Variants in LRP1B observed in about 807,000 individuals in gnomAD.
The protein encoded by LRP1B is LDL receptor related protein 1B.
In LRP1B, 217 loss-of-function variants were observed where a neutral mutation model predicts 556.6. The ratio of observed to expected loss-of-function variants is 0.39; its 90% confidence interval spans 0.35 to 0.44. LRP1B has a LOEUF of 0.44. Ranked by LOEUF, LRP1B falls within the 20% of genes least tolerant of loss-of-function variation. The pLI is 1.00. For synonymous variants in LRP1B, 2,047 were observed against 1,865.8 expected (o/e 1.10, Z -2.50); for missense variants, 5,053 against 5,620.8 (o/e 0.90, Z 3.23).
At chr2:140,729,048 T>C (rs1559081232) in intron 35 of LRP1B, among the ~76,000 whole-genome samples, 2 of 152,010 alleles carry the variant, frequency 1.3e-5, no homozygotes, top group South Asian at 4.1e-4. Context: ...AGTTTTAATT[T>C]GGTTTAACAT....
At chr2:141,811,299 T>C (rs983216943) in intron 1 of LRP1B, among the ~76,000 whole-genome samples, 4 of 152,144 alleles carry the variant, frequency 2.6e-5, no homozygotes, top group African/African-American at 9.6e-5. Context: ...TTTTGTTGTA[T>C]GTATATAAAA....
At chr2:141,654,242 G>T (rs1402890035) in intron 2 of LRP1B, among the ~76,000 whole-genome samples, 1 of 152,168 alleles carries the variant, frequency 6.6e-6, no homozygotes, top group African/African-American at 2.4e-5. Flanking sequence ...TTCTCAAACT[G>T]ATTATGTATT....
intron 2 of LRP1B, among the ~76,000 whole-genome samples, chr2:141,768,100 C>T (rs565922461): frequency 6.6e-6 from 1 of 152,168 alleles, no homozygotes; most frequent in African/African-American, 2.4e-5. Context: ...ATTAAATATC[C>T]TCAGGATGTA....
chr2:140,414,699 G>T (rs1452019044), intron 66 of LRP1B, among the ~76,000 whole-genome samples: 2 of 152,116 alleles, frequency 1.3e-5, no homozygotes, highest in East Asian at 1.9e-4. Flanking sequence ...TCTTTGTAAG[G>T]TGAGGAGGTA....
chr2:140,426,240 T>G (rs1452831727), intron 66 of LRP1B, among the ~76,000 whole-genome samples: 1 of 152,218 alleles, frequency 6.6e-6, no homozygotes, highest in African/African-American at 2.4e-5. Flanking sequence ...TTCCCAATAT[T>G]AAGAATCATT....
At chr2:141,292,933 C>T (rs1296040031) in intron 3 of LRP1B, among the ~76,000 whole-genome samples, 1 of 152,098 alleles carries the variant, frequency 6.6e-6, no homozygotes, top group Admixed American at 6.5e-5. Context: ...ATTAGTTTAT[C>T]ATAAAAATTG....
At chr2:141,066,477 A>G (rs181036141) in intron 7 of LRP1B, among the ~76,000 whole-genome samples, 1 of 152,130 alleles carries the variant, frequency 6.6e-6, no homozygotes, top group Admixed American at 6.6e-5. Flanking sequence ...TCATTTCTAT[A>G]CTTTAAAGGA....
At chr2:140,527,853 TACTA>T (rs1690503628) in intron 47 of LRP1B, among the ~76,000 whole-genome samples, 1 of 152,014 alleles carries the variant, frequency 6.6e-6, no homozygotes, top group Admixed American at 6.6e-5. Flanking sequence ...AGTAGTTTCT[TACTA>T]ACTTTGTTCC....
At chr2:140,337,257 T>C (rs546696502) in intron 77 of LRP1B, among the ~76,000 whole-genome samples, 80 of 151,982 alleles carry the variant, frequency 5.3e-4, no homozygotes, top group Non-Finnish European at 5.9e-4. Flanking sequence ...TATTGGACTT[T>C]AAAACTGAAA....
intron 1 of LRP1B, among the ~76,000 whole-genome samples, chr2:141,872,003 AG>A (rs1202965058): frequency 6.6e-6 from 1 of 151,990 alleles, no homozygotes; most frequent in Non-Finnish European, 1.5e-5. Context: ...AGAACCTAGC[AG>A]CTGGAACACA....
At chr2:141,532,996 T>C (rs1409158900) in intron 2 of LRP1B, among the ~76,000 whole-genome samples, 5 of 151,640 alleles carry the variant, frequency 3.3e-5, no homozygotes, top group Non-Finnish European at 5.9e-5. Flanking sequence ...AAAAAGAAAA[T>C]AAAAAAGCAA....
chr2:141,733,634 C>T (rs796768994), intron 2 of LRP1B, among the ~76,000 whole-genome samples: 12 of 152,194 alleles, frequency 7.9e-5, no homozygotes, highest in African/African-American at 2.6e-4. Context: ...CTATTGCTTA[C>T]GTTTTCAGTT....
chr2:140,472,538 G>C (rs1293809013), intron 60 of LRP1B, among the ~76,000 whole-genome samples: 1 of 152,000 alleles, frequency 6.6e-6, no homozygotes, highest in East Asian at 1.9e-4. Context: ...GTGTGGATTT[G>C]ATAGGAGGGT....
intron 3 of LRP1B, among the ~76,000 whole-genome samples, chr2:141,456,682 C>G (rs1021941373): frequency 6.6e-6 from 1 of 152,252 alleles, no homozygotes; most frequent in African/African-American, 2.4e-5. Flanking sequence ...AGAAATCTTC[C>G]TAGAGTTAAA....
At chr2:141,092,803 C>T (rs1321664442) in intron 7 of LRP1B, among the ~76,000 whole-genome samples, 1 of 152,030 alleles carries the variant, frequency 6.6e-6, no homozygotes, top group Non-Finnish European at 1.5e-5. Context: ...TTCAAGCGTT[C>T]GAGATGTGAA....
At chr2:140,512,206 T>A (rs1342938422) in intron 51 of LRP1B, among the ~76,000 whole-genome samples, 1 of 152,182 alleles carries the variant, frequency 6.6e-6, no homozygotes, top group African/African-American at 2.4e-5. Flanking sequence ...ATGATGGGTA[T>A]GACTAGATCA....
chr2:140,430,617 T>G (rs1340259743), intron 66 of LRP1B, among the ~76,000 whole-genome samples: 1 of 152,184 alleles, frequency 6.6e-6, no homozygotes, highest in African/African-American at 2.4e-5. Context: ...TGCTGAAACT[T>G]CCACCTATCA....
At chr2:141,096,515 A>G (rs533962067) in intron 7 of LRP1B, among the ~76,000 whole-genome samples, 63 of 151,862 alleles carry the variant, frequency 4.1e-4, no homozygotes, top group Non-Finnish European at 6.6e-4. Flanking sequence ...TTGAATTGCT[A>G]AATTATGTAA....
At chr2:141,647,830 A>T in intron 2 of LRP1B, among the ~76,000 whole-genome samples, 1 of 151,946 alleles carries the variant, frequency 6.6e-6, no homozygotes. Flanking sequence ...AATTAAGAAA[A>T]TTTTAATTGA....
Sources: gnomAD v4.1 joint callset for allele counts (sites outside exome capture counted in the v4.1 genomes callset) on GRCh38, gnomAD v4.1.1 for gene constraint, MANE v1.5 for transcripts, NCBI Gene and HGNC (gene_info 2026-07-23, HGNC 2026-07-21) for gene names.